RECQL5: variants seen among roughly 807,000 people sequenced by gnomAD.
The protein encoded by RECQL5 is ATP-dependent DNA helicase Q5.
A neutral mutation model predicts 103.4 loss-of-function variants in RECQL5; 88 were observed. The ratio of observed to expected loss-of-function variants is 0.85; its 90% CI spans 0.72 to 1.02. The LOEUF is 1.02. Ranked by LOEUF, RECQL5 falls within the 50% of genes least tolerant of loss-of-function variation. RECQL5 has a pLI of 0.00. For synonymous variants in RECQL5, 552 were observed against 507.9 expected, an observed-to-expected ratio of 1.09 and a Z score of -1.17; for missense variants, 1,232 against 1,284.3, an observed-to-expected ratio of 0.96 and a Z score of 0.62.
intron 8 of RECQL5, chr17:75,641,401 C>T (rs114140652): frequency 0.011 from 1,639 of 155,614 alleles, 23 homozygotes; most frequent in African/African-American, 0.037. Context: ...TTTTGTGTTA[C>T]GTGTTTCTGC....
chr17:75,650,595 G>C, intron 8 of RECQL5: 2 of 1,591,590 alleles, frequency 1.3e-6, no homozygotes, highest in Non-Finnish European at 1.7e-6. Context: ...GAGCTTTTTA[G>C]ACCAAAATGT....
chr17:75,632,251 G>A (rs555671076), intron 8 of RECQL5, among the ~76,000 whole-genome samples: 81 of 152,330 alleles, frequency 5.3e-4, no homozygotes, highest in African/African-American at 1.9e-3. Context: ...ATACCACTGT[G>A]TTACAACTGC....
intron 7 of RECQL5, among the ~76,000 whole-genome samples, chr17:75,656,188 C>T (rs2059617438): frequency 6.6e-6 from 1 of 152,178 alleles, no homozygotes; most frequent in Non-Finnish European, 1.5e-5. Context: ...CATTCTCCTG[C>T]TTCAGCCTCT....
chr17:75,650,917 G>C, intron 8 of RECQL5: 1 of 1,442,048 alleles, frequency 6.9e-7, no homozygotes, highest in African/African-American at 1.4e-5. Context: ...TGAGTGGCTT[G>C]TGGGGCCAGC....
At chr17:75,650,990 A>C in intron 8 of RECQL5, 196 bp downstream of exon 8, 1 of 1,503,918 alleles carries the variant, frequency 6.6e-7, no homozygotes, top group East Asian at 2.3e-5. Flanking sequence ...AAATCCCCAC[A>C]CTGCGAGAGA....
intron 8 of RECQL5, among the ~76,000 whole-genome samples, chr17:75,634,914 A>C (rs2059290146): frequency 6.6e-6 from 1 of 152,166 alleles, no homozygotes; most frequent in Non-Finnish European, 1.5e-5. Context: ...CTGCTGTGCC[A>C]CCGTGATGCA....
At chr17:75,632,062 T>C (rs2059227006) in intron 8 of RECQL5, among the ~76,000 whole-genome samples, 1 of 152,210 alleles carries the variant, frequency 6.6e-6, no homozygotes, top group African/African-American at 2.4e-5. Flanking sequence ...GTCAGTAAGA[T>C]GGTGCAGAAA....
chr17:75,647,275 C>A, intron 8 of RECQL5: 2 of 1,073,448 alleles, frequency 1.9e-6, no homozygotes, highest in Non-Finnish European at 1.3e-6. Flanking sequence ...CTCACAGAGG[C>A]TGCTACAGAG....
At position 75,627,308 on chromosome 17, in the gene RECQL5, T is replaced by A; in HGVS notation, c.*114A>T. The A allele has an allele frequency of 2.4e-6, 2 of 843,258 alleles. No individual in the cohort carries two copies. Among genetic ancestry groups the A allele is most frequent in the Admixed American group, 3.6e-5 (2 of 55,010 alleles). 52.2% of individuals were successfully genotyped at this position (843,258 alleles called of 1,614,324 possible). On this transcript the variant is annotated 3_prime_UTR_variant, in exon 20 of 20. Transcript: ENST00000317905. ...GGTCATCCCCAAAGCCAAGTATGGT[T>A]GGAAAGGAGAAGGACTGAGAAAAGA...
At chr17:75,628,627 C>G (rs1254076676) in intron 17 of RECQL5, 45 bp downstream of exon 17, 1 of 1,547,536 alleles carries the variant, frequency 6.5e-7, no homozygotes, top group East Asian at 2.3e-5. Flanking sequence ...CTGGCCTCGC[C>G]CACAGCCCTT....
intron 8 of RECQL5, chr17:75,650,945 G>C: frequency 6.9e-7 from 1 of 1,451,634 alleles, no homozygotes; most frequent in Admixed American, 2.8e-5. Flanking sequence ...GAAGAGGGTG[G>C]AGTGGAGGGA....
intron 6 of RECQL5, among the ~76,000 whole-genome samples, chr17:75,660,353 G>T (rs2148338193): frequency 6.6e-6 from 1 of 152,278 alleles, no homozygotes; most frequent in South Asian, 2.1e-4. Context: ...TACAGGTGTG[G>T]ACCACTGTGC....
chr17:75,644,731 A>G (rs992783753), intron 8 of RECQL5, among the ~76,000 whole-genome samples: 3 of 151,804 alleles, frequency 2.0e-5, no homozygotes, highest in African/African-American at 7.3e-5. Context: ...CAGGAGGCTG[A>G]GGCAGGAGAA....
intron 8 of RECQL5, chr17:75,641,442 T>C (rs2059433749): frequency 6.5e-6 from 1 of 154,424 alleles, no homozygotes; most frequent in South Asian, 2.0e-4. Context: ...TGGGCTGGGC[T>C]CTGTACATTG....
rs1339575010 is a variant in RECQL5 at position 75,662,742 on chromosome 17, G to A, written c.508C>T (p.Arg170Cys). The stretch of plus-strand genomic sequence containing the variant: ...GCACCCAGACGCAAGTAGTCAGGAC[G>A]AAAGTCATGCCCCCATTGGGAAACA... Reference protein sequence around the residue: ...HCVSQWGHDFRPDYLRLGALR... With the variant: ...HCVSQWGHDFCPDYLRLGALR... The change falls in exon 4 of 20, where the codon CGT (arginine) becomes TGT (cysteine). Residue 170 changes from arginine to cysteine, a missense_variant. Physicochemically the swap from Arg to Cys is radical, Grantham distance 180 (BLOSUM62 -3). Transcript: ENST00000317905. 6.8e-6 allele frequency: 11 copies of A among 1,613,948 alleles called. No individual in the cohort carries two copies. Among genetic ancestry groups the A allele is most frequent in the South Asian group, 1.1e-5 (1 of 91,090 alleles).
Position 75,661,062 on chromosome 17 carries a change from C to T in RECQL5, c.879G>A (p.Leu293=). Reference sequence around the variant, plus strand: ...GCACCAGCGTTCTTTCAGAGGCCTTCAGCCCTGTAAAGGAGGGGAAGATGG... The same window carrying T: ...GCACCAGCGTTCTTTCAGAGGCCTTTAGCCCTGTAAAGGAGGGGAAGATGG... ...GVNAKAYHAG[L]KASERTLVQN... is the part of the protein sequence containing the mutation. Residue 293 remains leucine (L), a synonymous_variant, in exon 6 of 20, where the codon CTG becomes CTA. Transcript: ENST00000317905. 6.2e-7 allele frequency: 1 copy of T among 1,613,346 alleles called. No individual in the cohort carries two copies. Among genetic ancestry groups the T allele is most frequent in the Non-Finnish European group, 8.5e-7 (1 of 1,179,238 alleles).
At position 75,640,885 on chromosome 17, in the gene RECQL5, G is replaced by A. The variant is rs919041248; in HGVS notation, c.1230-9217C>T. Reference sequence around the variant, plus strand: ...GAGGCAGGAAGGTCCAGGTGCAGCCGACACCACCATGACGGACGGGCGATG... The same window carrying A: ...GAGGCAGGAAGGTCCAGGTGCAGCCAACACCACCATGACGGACGGGCGATG... On this transcript the variant is annotated intron_variant, in intron 8 of 19. Coordinates refer to ENST00000317905, the MANE Select transcript of RECQL5 (RefSeq NM_004259.7). The surrounding 1 kb of genome is among the most constrained non-coding windows in gnomAD (Gnocchi z 4.6). 19 of 1,545,466 alleles carry A rather than the reference G, an allele frequency of 1.2e-5. No individual in the cohort carries two copies. The East Asian group carries it at 3.4e-4, about 28-fold the overall frequency.
chr17:75,658,674 G>T (rs2059659548), intron 6 of RECQL5, among the ~76,000 whole-genome samples: 1 of 152,104 alleles, frequency 6.6e-6, no homozygotes, highest in South Asian at 2.1e-4. Flanking sequence ...TTAAGGGGGG[G>T]CAAATCCAGC....
chr17:75,638,006 G>T (rs1179081862), intron 8 of RECQL5: 1 of 152,218 alleles, frequency 6.6e-6, no homozygotes, highest in African/African-American at 2.4e-5. Flanking sequence ...TAGCATTCTA[G>T]GACCCTATGC....
Sources: gnomAD v4.1 joint callset for allele counts (sites outside exome capture counted in the v4.1 genomes callset) on GRCh38, gnomAD v4.1.1 for gene constraint, Gnocchi (gnomAD v3.1) non-coding constraint, MANE v1.5 for transcripts, NCBI Gene and HGNC (gene_info 2026-07-23, HGNC 2026-07-21) for gene names.